FBN2: variants seen among roughly 807,000 people sequenced by gnomAD.
FBN2 encodes fibrillin-2.
In FBN2, 105 loss-of-function variants were observed where a neutral mutation model predicts 355.6. That is an observed-to-expected ratio of 0.30 (90% CI 0.25 to 0.35). The LOEUF is 0.35. FBN2 is among the 10% of genes least tolerant of loss of function. The pLI is 1.00. For synonymous variants in FBN2, 1,350 were observed against 1,301.2 expected (o/e 1.04, Z -0.81); for missense variants, 3,280 against 3,758.7 (o/e 0.87, Z 3.33).
intron 25 of FBN2, among the ~76,000 whole-genome samples, chr5:128,340,934 G>C (rs1048259050): frequency 6.6e-6 from 1 of 152,122 alleles, no homozygotes; most frequent in Non-Finnish European, 1.5e-5. Flanking sequence ...TAGCTTTAAA[G>C]ATACAGAATA....
intron 36 of FBN2, among the ~76,000 whole-genome samples, chr5:128,315,536 C>T (rs780435929): frequency 6.6e-6 from 1 of 152,104 alleles, no homozygotes; most frequent in Non-Finnish European, 1.5e-5. Flanking sequence ...AGAGGACAGC[C>T]GTCTTCTTTA....
chr5:128,449,422 A>G (rs890427057), intron 6 of FBN2, among the ~76,000 whole-genome samples: 4 of 137,758 alleles, frequency 2.9e-5, no homozygotes, highest in African/African-American at 8.5e-5. Context: ...AGTATACTAT[A>G]TAATAGTATA....
intron 9 of FBN2, among the ~76,000 whole-genome samples, chr5:128,394,167 T>A (rs1752589384): frequency 6.6e-6 from 1 of 152,180 alleles, no homozygotes. Flanking sequence ...CATATTGGCA[T>A]AAATATTTGT....
chr5:128,423,621 T>G (rs529832660), intron 7 of FBN2, among the ~76,000 whole-genome samples: 1 of 152,162 alleles, frequency 6.6e-6, no homozygotes, highest in South Asian at 2.1e-4. Context: ...GCATAATTTA[T>G]TGAAGGAACT....
At chr5:128,505,444 C>T (rs1755929796) in intron 5 of FBN2, among the ~76,000 whole-genome samples, 1 of 152,172 alleles carries the variant, frequency 6.6e-6, no homozygotes, top group Non-Finnish European at 1.5e-5. Context: ...CAATTACTTT[C>T]ATTGTTCAAT....
chr5:128,453,802 A>G (rs1249768127), intron 6 of FBN2, among the ~76,000 whole-genome samples: 1 of 151,860 alleles, frequency 6.6e-6, no homozygotes, highest in African/African-American at 2.4e-5. Context: ...TTTGTCACCA[A>G]ACTCCTCCCC....
intron 6 of FBN2, among the ~76,000 whole-genome samples, chr5:128,463,659 A>G (rs1754618992): frequency 6.6e-6 from 1 of 152,192 alleles, no homozygotes; most frequent in Admixed American, 6.5e-5. Flanking sequence ...TCAATGAACT[A>G]AAGTTACGTA....
intron 5 of FBN2, among the ~76,000 whole-genome samples, chr5:128,469,932 C>A (rs555135010): frequency 6.6e-6 from 1 of 152,132 alleles, no homozygotes; most frequent in Non-Finnish European, 1.5e-5. Context: ...CAGTGTGTTA[C>A]AGAATTTAGA....
intron 24 of FBN2, 127 bp downstream of exon 24, chr5:128,345,230 C>G (rs1425500099): frequency 1.2e-6 from 1 of 820,428 alleles, no homozygotes; most frequent in African/African-American, 1.7e-5. Flanking sequence ...ACATTGGTCA[C>G]AAAACCTAAG....
intron 62 of FBN2, among the ~76,000 whole-genome samples, chr5:128,270,054 A>T (rs1387178913): frequency 6.6e-6 from 1 of 152,174 alleles, no homozygotes; most frequent in Non-Finnish European, 1.5e-5. Flanking sequence ...ATCTACAACC[A>T]TCTGATCTTT....
chr5:128,384,487 A>G (rs778256463), intron 11 of FBN2, among the ~76,000 whole-genome samples: 2 of 152,128 alleles, frequency 1.3e-5, no homozygotes, highest in Non-Finnish European at 2.9e-5. Context: ...TAGTTTAAAA[A>G]TCTGCACAAT....
chr5:128,489,580 G>T (rs935591505), intron 5 of FBN2, among the ~76,000 whole-genome samples: 1 of 152,056 alleles, frequency 6.6e-6, no homozygotes, highest in Non-Finnish European at 1.5e-5. Context: ...ATGATAAAAT[G>T]ATTTTTTAAA....
At chr5:128,281,843 G>GC (rs1218375316) in intron 55 of FBN2, among the ~76,000 whole-genome samples, 1 of 152,034 alleles carries the variant, frequency 6.6e-6, no homozygotes, top group East Asian at 1.9e-4. Flanking sequence ...CCGCCACCAC[G>GC]CCCAGCTAAT....
chr5:128,515,971 T>C lies in FBN2; in HGVS notation c.628+3302A>G, dbSNP rs190477837. Among the ~76,000 whole-genome samples, 43 of 152,342 alleles carry C rather than the reference T, an allele frequency of 2.8e-4. 1 individual carries two copies. Among genetic ancestry groups the C allele is most frequent in the Admixed American group, 7.8e-4 (12 of 15,296 alleles). On this transcript the variant is annotated intron_variant, in intron 5 of 64. Transcript: ENST00000262464. ...ATATATTTCTAACAGATGAGCCTTA[T>C]ATAAACTTCAAAGAAAATTCCATTA...
chr5:128,280,782 T>C (rs1354674829), intron 55 of FBN2, among the ~76,000 whole-genome samples: 3 of 152,152 alleles, frequency 2.0e-5, no homozygotes, highest in Non-Finnish European at 4.4e-5. Flanking sequence ...TTGAGTAAAA[T>C]CACAGGAACA....
chr5:128,438,288 C>T (rs567187772), intron 7 of FBN2, among the ~76,000 whole-genome samples: 90 of 152,362 alleles, frequency 5.9e-4, no homozygotes, highest in African/African-American at 1.2e-3. Flanking sequence ...CCGCCGTGCC[C>T]GGCTACATTC....
intron 5 of FBN2, among the ~76,000 whole-genome samples, chr5:128,483,733 G>T (rs929942615): frequency 6.6e-6 from 1 of 151,978 alleles, no homozygotes; most frequent in African/African-American, 2.4e-5. Flanking sequence ...GCAATCAGGG[G>T]TGGGGGGTGG....
In FBN2 at chr5:128,311,443, G is replaced by C. The variant is rs372234336; in HGVS notation, c.4949-18C>G. The C allele has an allele frequency of 1.5e-4, 240 of 1,613,294 alleles. No individual in the cohort carries two copies. The African/African-American group carries it at 3.0e-3, about 20-fold the overall frequency. ...GTCAATGTCTACAAAAAGGGAGACAGTGCACTTAAAACAAACACCTTCACT... is the reference window on the plus strand; with the variant it reads ...GTCAATGTCTACAAAAAGGGAGACACTGCACTTAAAACAAACACCTTCACT... On this transcript the variant is annotated intron_variant, in intron 38 of 64. Transcript: ENST00000262464.
intron 6 of FBN2, among the ~76,000 whole-genome samples, chr5:128,454,958 G>A (rs1182371832): frequency 1.3e-5 from 2 of 152,104 alleles, no homozygotes; most frequent in African/African-American, 4.8e-5. Flanking sequence ...ATTTGAAGTA[G>A]TTTAAAAGCC....
Sources: allele counts gnomAD v4.1 joint callset (sites outside exome capture counted in the v4.1 genomes callset), GRCh38; gene constraint gnomAD v4.1.1; transcripts MANE v1.5; gene names NCBI Gene and HGNC (gene_info 2026-07-23, HGNC 2026-07-21).